Variants in PCDHGA2 observed in about 807,000 individuals in gnomAD.
The protein encoded by PCDHGA2 is protocadherin gamma-A2.
In PCDHGA2, 40 loss-of-function variants were observed where a neutral mutation model predicts 59.2. The observed-to-expected ratio is 0.68, with a 90% confidence interval of 0.52 to 0.88. The LOEUF is 0.88. PCDHGA2 is among the 40% of genes least tolerant of loss of function. The pLI is 0.00. For synonymous variants in PCDHGA2, 560 were observed against 526.0 expected (o/e 1.06, Z -0.89); for missense variants, 1,226 against 1,204.0 (o/e 1.02, Z -0.27).
At position 141,339,152 on chromosome 5, in the gene PCDHGA2, G is replaced by C. The variant is rs369706288; in HGVS notation, c.181G>C (p.Glu61Gln). The C allele has an allele frequency of 1.2e-6, 2 of 1,614,216 alleles. No homozygotes were observed. Among genetic ancestry groups the C allele is most frequent in the Non-Finnish European group, 1.7e-6 (2 of 1,180,010 alleles). Reference sequence around the variant, plus strand: ...GGGTTTGGAGCCCCTGGCACTGGCAGAGCAGGGAGTCCGCATCGTCTCCAG... The same window carrying C: ...GGGTTTGGAGCCCCTGGCACTGGCACAGCAGGGAGTCCGCATCGTCTCCAG... ...DLGLEPLALA[E>Q]QGVRIVSRGR... The change falls in exon 1 of 4, where the codon GAG (glutamate) becomes CAG (glutamine). Residue 61 changes from glutamate (E) to glutamine (Q), a missense_variant. Coordinates refer to ENST00000394576, the MANE Select transcript of PCDHGA2 (RefSeq NM_018915.4).
chr5:141,384,609 T>A (rs967686346), intron 1 of PCDHGA2: 5 of 1,614,148 alleles, frequency 3.1e-6, no homozygotes, highest in African/African-American at 1.3e-5. Flanking sequence ...TCCCCACAGA[T>A]GGTTCTACTG....
chr5:141,383,458 G>A, intron 1 of PCDHGA2: 1 of 1,613,878 alleles, frequency 6.2e-7, no homozygotes, highest in African/African-American at 1.3e-5. Context: ...AAGTGGAGAC[G>A]ATGAAACTAA....
At chr5:141,464,861 C>G (rs1178430383) in intron 1 of PCDHGA2, among the ~76,000 whole-genome samples, 1 of 152,134 alleles carries the variant, frequency 6.6e-6, no homozygotes, top group Non-Finnish European at 1.5e-5. Flanking sequence ...ACCTTAGCCT[C>G]CCAAGTAGCT....
chr5:141,389,622 G>C, intron 1 of PCDHGA2: 1 of 1,612,970 alleles, frequency 6.2e-7, no homozygotes, highest in South Asian at 1.1e-5. Context: ...GCCGCACGCT[G>C]CAGAGCCTGG....
At chr5:141,380,816 A>C (rs546532723) in intron 1 of PCDHGA2, among the ~76,000 whole-genome samples, 1 of 152,374 alleles carries the variant, frequency 6.6e-6, no homozygotes, top group East Asian at 1.9e-4. Flanking sequence ...AGATGAAACT[A>C]TGAATTTTGA....
intron 1 of PCDHGA2, chr5:141,345,225 A>G (rs1366450224): frequency 3.1e-6 from 5 of 1,613,856 alleles, no homozygotes; most frequent in East Asian, 2.2e-5. Context: ...AGAAAAATCA[A>G]TAGATCAATA....
chr5:141,488,170 T>C (rs554585709), intron 1 of PCDHGA2, among the ~76,000 whole-genome samples: 2 of 152,318 alleles, frequency 1.3e-5, no homozygotes, highest in African/African-American at 2.4e-5. Context: ...ATCAGAGTGG[T>C]GGCATAGATC....
chr5:141,492,723 C>T (rs896613323), intron 1 of PCDHGA2, among the ~76,000 whole-genome samples: 2 of 152,268 alleles, frequency 1.3e-5, no homozygotes, highest in African/African-American at 4.8e-5. Flanking sequence ...GGCGGACAGG[C>T]AGAGCTGCCC....
chr5:141,415,428 G>A, intron 1 of PCDHGA2: 1 of 1,614,206 alleles, frequency 6.2e-7, no homozygotes, highest in Non-Finnish European at 8.5e-7. Flanking sequence ...ACGGGGTTCG[G>A]GCTTTCCTGC....
intron 1 of PCDHGA2, chr5:141,388,777 A>C: frequency 6.2e-7 from 1 of 1,613,964 alleles, no homozygotes; most frequent in South Asian, 1.1e-5. Flanking sequence ...AACACCGGGG[A>C]AATTACTGTT....
intron 1 of PCDHGA2, chr5:141,352,291 C>T (rs747203804): frequency 1.2e-5 from 20 of 1,614,082 alleles, no homozygotes; most frequent in South Asian, 3.3e-5. Flanking sequence ...GCCCTGAGCC[C>T]TCTGACCCCC....
intron 1 of PCDHGA2, chr5:141,366,290 C>T: frequency 6.2e-7 from 1 of 1,613,732 alleles, no homozygotes; most frequent in Admixed American, 1.7e-5. Context: ...CCAGCCCCCT[C>T]TGTCAGCCAC....
Position 141,339,664 on chromosome 5 carries a change from G to C in PCDHGA2, c.693G>C (p.Lys231Asn). 1 of 1,614,206 alleles carries C rather than the reference G, an allele frequency of 6.2e-7. No homozygotes were observed. Among genetic ancestry groups the C allele is most frequent in the South Asian group, 1.1e-5 (1 of 91,086 alleles). ...VLSGTSRICV[K>N]VLDANDNAPV... ...CTGGCACCTCCCGCATCTGCGTGAAGGTCCTGGATGCGAACGACAATGCGC... is the reference window on the plus strand; with the variant it reads ...CTGGCACCTCCCGCATCTGCGTGAACGTCCTGGATGCGAACGACAATGCGC... Residue 231 changes from lysine to asparagine, a missense_variant, in exon 1 of 4, where the codon AAG (lysine) becomes AAC (asparagine). Transcript: ENST00000394576.
At chr5:141,413,128 CA>C in intron 1 of PCDHGA2, 1 of 1,534,686 alleles carries the variant, frequency 6.5e-7, no homozygotes, top group Non-Finnish European at 8.8e-7. Flanking sequence ...GGTTGAAACA[CA>C]CAACGTGTCC....
At chr5:141,352,622 A>T in intron 1 of PCDHGA2, 1 of 1,612,530 alleles carries the variant, frequency 6.2e-7, no homozygotes. Flanking sequence ...TGTATGTGCC[A>T]GTAATGAAGA....
Position 141,490,866 on chromosome 5 carries a change from C to T in PCDHGA2, c.2425-3941C>T, listed in dbSNP as rs1408465290. The T allele has an allele frequency of 6.2e-7, 1 of 1,613,906 alleles. No homozygotes were observed. The highest frequency in any genetic ancestry group is 1.7e-5 in the Admixed American group (1 of 60,012). ...TGGGGGTTCGAGACTCCGGCTCTCC[C>T]CCATTGCATGCCAACACATCTCTGC... On this transcript the variant is annotated intron_variant, in intron 1 of 3. Coordinates refer to ENST00000394576, the MANE Select transcript of PCDHGA2 (RefSeq NM_018915.4). The surrounding 1 kb of genome is among the most constrained non-coding windows in gnomAD (Gnocchi z 5.4).
intron 1 of PCDHGA2, chr5:141,370,324 C>A: frequency 7.3e-7 from 1 of 1,378,620 alleles, no homozygotes. Flanking sequence ...TGGTCCTGCT[C>A]GGAGAACTCT....
At chr5:141,383,889 G>T in intron 1 of PCDHGA2, 1 of 1,613,938 alleles carries the variant, frequency 6.2e-7, no homozygotes, top group South Asian at 1.1e-5. Context: ...GTCTGACAAA[G>T]GCAAAAGTAC....
At chr5:141,357,667 A>C in intron 1 of PCDHGA2, 1 of 1,599,486 alleles carries the variant, frequency 6.3e-7, no homozygotes, top group South Asian at 1.1e-5. Context: ...AATATAGACA[A>C]AGAGTTGTGT....
Sources: gnomAD v4.1 joint callset for allele counts (sites outside exome capture counted in the v4.1 genomes callset) on GRCh38, gnomAD v4.1.1 for gene constraint, Gnocchi (gnomAD v3.1) non-coding constraint, MANE v1.5 for transcripts, NCBI Gene and HGNC (gene_info 2026-07-23, HGNC 2026-07-21) for gene names.